Variants in GRIA4 observed in about 807,000 individuals in gnomAD.
The protein encoded by GRIA4 is glutamate ionotropic receptor AMPA type subunit 4.
GRIA4 carries 34 observed loss-of-function variants against 104.0 expected under a neutral mutation model. The ratio of observed to expected loss-of-function variants is 0.33; its 90% CI spans 0.25 to 0.44. The LOEUF (loss-of-function observed/expected upper bound fraction) is 0.44. GRIA4 is among the 20% of genes least tolerant of loss of function. The pLI is 1.00. For missense variants in GRIA4, 750 were observed against 1,096.5 expected (o/e 0.68, Z 4.46); for synonymous variants, 386 against 381.9 (o/e 1.01, Z -0.13).
In GRIA4 at chr11:105,981,246, G is replaced by A. The variant is rs1859238658; in HGVS notation, c.*1507G>A. ...GTACTCTAATACAGATAAAAATCATGTACTTAGGGTATTGGCAGAAAGCAC... is the reference window on the plus strand; with the variant it reads ...GTACTCTAATACAGATAAAAATCATATACTTAGGGTATTGGCAGAAAGCAC... On this transcript the variant is annotated 3_prime_UTR_variant, in exon 17 of 17. Transcript: ENST00000282499. 6.6e-6 allele frequency: 1 copy of A among 152,556 alleles called. No individual in the cohort carries two copies. Among genetic ancestry groups the A allele is most frequent in the South Asian group, 2.1e-4 (1 of 4,822 alleles). The allele number at this position is 152,556 out of a possible 1,614,324, so 9.5% of individuals were successfully genotyped here.
chr11:105,683,902 GTCTC>G (rs929225540), intron 3 of GRIA4, among the ~76,000 whole-genome samples: 2 of 151,736 alleles, frequency 1.3e-5, no homozygotes, highest in African/African-American at 4.8e-5. Flanking sequence ...TTGAGATGGA[GTCTC>G]TCTCTGTCGC....
intron 3 of GRIA4, among the ~76,000 whole-genome samples, chr11:105,624,703 GTGATCCC>G (rs1349129789): frequency 6.6e-6 from 1 of 151,952 alleles, no homozygotes; most frequent in Non-Finnish European, 1.5e-5. Flanking sequence ...TCAATACAAA[GTGATCCC>G]TTTTTTCCTC....
intron 16 of GRIA4, among the ~76,000 whole-genome samples, chr11:105,976,712 A>G (rs1859000405): frequency 6.6e-6 from 1 of 152,048 alleles, no homozygotes; most frequent in Admixed American, 6.6e-5. Context: ...CCTTCAATCC[A>G]TGGTAGATTC....
chr11:105,610,826 C>G (rs1331387745), intron 1 of GRIA4, 82 bp from the exon 2 acceptor site: 1 of 587,154 alleles, frequency 1.7e-6, no homozygotes, highest in Non-Finnish European at 3.0e-6. Context: ...TAATCTTAAA[C>G]CACCGAAACC....
At chr11:105,789,706 C>G (rs1412856381) in intron 4 of GRIA4, among the ~76,000 whole-genome samples, 1 of 152,130 alleles carries the variant, frequency 6.6e-6, no homozygotes. Context: ...ATTCTTTTAT[C>G]TTATTTCTGT....
At chr11:105,958,737 G>C (rs1438594110) in intron 14 of GRIA4, among the ~76,000 whole-genome samples, 2 of 152,056 alleles carry the variant, frequency 1.3e-5, no homozygotes, top group African/African-American at 4.8e-5. Context: ...TGGTTTTGCA[G>C]TGGCTGGTAC....
chr11:105,701,655 C>T (rs1953497998), intron 3 of GRIA4, among the ~76,000 whole-genome samples: 1 of 152,214 alleles, frequency 6.6e-6, no homozygotes, highest in South Asian at 2.1e-4. Flanking sequence ...TCCTTAAATG[C>T]AATTAAATAG....
At chr11:105,611,142 T>A in intron 2 of GRIA4, 57 bp downstream of exon 2, 1 of 1,155,912 alleles carries the variant, frequency 8.7e-7, no homozygotes, top group Non-Finnish European at 1.3e-6. Context: ...TATCCGAAAG[T>A]GAGTTAAATG....
chr11:105,786,286 G>A (rs1403244203), intron 4 of GRIA4, among the ~76,000 whole-genome samples: 1 of 152,046 alleles, frequency 6.6e-6, no homozygotes, highest in African/African-American at 2.4e-5. Context: ...TATTCAAGAG[G>A]ATTATCTCAA....
chr11:105,717,518 G>T (rs1368002550), intron 3 of GRIA4, among the ~76,000 whole-genome samples: 2 of 151,786 alleles, frequency 1.3e-5, no homozygotes, highest in East Asian at 1.9e-4. Context: ...TTTCTAAAAA[G>T]ACATTCTTAC....
intron 4 of GRIA4, among the ~76,000 whole-genome samples, chr11:105,849,193 C>CA (rs1038425396): frequency 7.9e-5 from 12 of 151,310 alleles, no homozygotes; most frequent in Non-Finnish European, 1.0e-4. Context: ...GACTCCATCT[C>CA]AAAAAAAAGA....
chr11:105,644,789 C>T (rs1801180215), intron 3 of GRIA4, among the ~76,000 whole-genome samples: 2 of 152,084 alleles, frequency 1.3e-5, no homozygotes, highest in African/African-American at 4.8e-5. Context: ...CACACTGTTA[C>T]ATCACAATAT....
At chr11:105,974,116 T>C (rs1222122848) in intron 15 of GRIA4, among the ~76,000 whole-genome samples, 194 bp from the exon 16 acceptor site, 2 of 152,212 alleles carry the variant, frequency 1.3e-5, no homozygotes, top group Non-Finnish European at 2.9e-5. Flanking sequence ...TTGATAACTA[T>C]TATAATTTTA....
chr11:105,889,472 A>G (rs905665364), intron 6 of GRIA4, among the ~76,000 whole-genome samples: 15 of 152,182 alleles, frequency 9.9e-5, no homozygotes, highest in Non-Finnish European at 2.1e-4. Flanking sequence ...CTAAAGGACT[A>G]TTACTTATAA....
intron 5 of GRIA4, among the ~76,000 whole-genome samples, chr11:105,863,567 C>T (rs1945304555): frequency 6.6e-6 from 1 of 152,084 alleles, no homozygotes; most frequent in African/African-American, 2.4e-5. Context: ...AAAAATCTTT[C>T]TTCTTTCTTA....
At chr11:105,883,190 G>A (rs140630226) in intron 5 of GRIA4, among the ~76,000 whole-genome samples, 5 of 151,756 alleles carry the variant, frequency 3.3e-5, no homozygotes, top group East Asian at 3.9e-4. Flanking sequence ...GATTATCATC[G>A]TTGAGAGCGT....
At chr11:105,798,616 G>T (rs150424222) in intron 4 of GRIA4, among the ~76,000 whole-genome samples, 3 of 152,116 alleles carry the variant, frequency 2.0e-5, no homozygotes, top group African/African-American at 7.2e-5. Context: ...CACAGAGGCC[G>T]ATTAGGAGAC....
intron 5 of GRIA4, among the ~76,000 whole-genome samples, chr11:105,866,547 GTGTGTATATATATATATATATATA>G (rs1275915431): frequency 2.3e-5 from 1 of 42,668 alleles, no homozygotes; most frequent in Non-Finnish European, 4.9e-5. Context: ...GTGTGTGTGT[GTGTGTATATATATATATATATATA>G]TATATATATA....
At chr11:105,860,956 G>GGA (rs1491144541) in intron 4 of GRIA4, among the ~76,000 whole-genome samples, 2 of 106,098 alleles carry the variant, frequency 1.9e-5, no homozygotes, top group Non-Finnish European at 1.9e-5. Context: ...AAGACTGTCT[G>GGA]AAAAAAAAAA....
Sources: gnomAD v4.1 joint callset for allele counts (sites outside exome capture counted in the v4.1 genomes callset) on GRCh38, gnomAD v4.1.1 for gene constraint, MANE v1.5 for transcripts, NCBI Gene and HGNC (gene_info 2026-07-23, HGNC 2026-07-21) for gene names.